The following CENPP variants were observed in gnomAD, a reference collection of about 807,000 sequenced individuals.
CENPP encodes the protein centromere protein P.
Under a neutral mutation model 35.6 loss-of-function variants are expected in CENPP, and 24 were observed. The observed-to-expected ratio is 0.67, with a 90% CI of 0.49 to 0.95. CENPP has a LOEUF of 0.95. CENPP is among the 40% of genes least tolerant of loss of function. The pLI, the probability that CENPP is intolerant of heterozygous loss-of-function variation, is 0.00. For synonymous variants in CENPP, 120 were observed against 125.5 expected, an observed-to-expected ratio of 0.96 and a Z score of 0.29; for missense variants, 332 against 345.3, an observed-to-expected ratio of 0.96 and a Z score of 0.31.
At chr9:92,332,398 T>C (rs765382477) in intron 2 of CENPP, 47 bp downstream of exon 2, 2 of 1,256,448 alleles carry the variant, frequency 1.6e-6, no homozygotes, top group South Asian at 3.3e-5. Context: ...GCTTACCTTA[T>C]TATGCATAAG....
intron 5 of CENPP, among the ~76,000 whole-genome samples, chr9:92,436,210 T>C (rs970756667): frequency 2.6e-5 from 4 of 152,246 alleles, no homozygotes; most frequent in African/African-American, 9.6e-5. Flanking sequence ...GTATTCTTTT[T>C]AGTGAAATGT....
intron 5 of CENPP, among the ~76,000 whole-genome samples, chr9:92,425,925 G>A (rs989833923): frequency 5.3e-5 from 8 of 152,330 alleles, no homozygotes; most frequent in Middle Eastern, 3.4e-3. Context: ...CCTTTTGGAA[G>A]ATTAACTGAA....
intron 5 of CENPP, among the ~76,000 whole-genome samples, chr9:92,513,706 T>C (rs1847505231): frequency 6.6e-6 from 1 of 152,212 alleles, no homozygotes; most frequent in African/African-American, 2.4e-5. Flanking sequence ...ATTCCACTTA[T>C]GTGACACTCT....
chr9:92,415,175 G>A, intron 5 of CENPP: 1 of 1,607,276 alleles, frequency 6.2e-7, no homozygotes, highest in African/African-American at 1.3e-5. Context: ...TCATAATAAT[G>A]AAGGTCAAAG....
chr9:92,469,137 G>A (rs1304636145), intron 5 of CENPP, among the ~76,000 whole-genome samples: 1 of 152,190 alleles, frequency 6.6e-6, no homozygotes, highest in African/African-American at 2.4e-5. Flanking sequence ...CCTAAAGTTA[G>A]TGGGGTGGAC....
At chr9:92,585,770 A>T (rs1400594797) in intron 5 of CENPP, among the ~76,000 whole-genome samples, 3 of 152,198 alleles carry the variant, frequency 2.0e-5, no homozygotes, top group Non-Finnish European at 2.9e-5. Flanking sequence ...AAGGCCTATG[A>T]ATTCCAGTGA....
At chr9:92,420,295 T>G (rs538663262) in intron 5 of CENPP, among the ~76,000 whole-genome samples, 1 of 152,328 alleles carries the variant, frequency 6.6e-6, no homozygotes, top group East Asian at 1.9e-4. Flanking sequence ...CTCCCAACAT[T>G]GTCAGTTCCT....
chr9:92,611,199 G>C (rs898392012), intron 5 of CENPP, 115 bp from the exon 6 acceptor site: 1 of 807,826 alleles, frequency 1.2e-6, no homozygotes, highest in South Asian at 1.5e-5. Context: ...TGGATGCTGC[G>C]CAAACACTCG....
chr9:92,535,737 C>G (rs1849130297), intron 5 of CENPP, among the ~76,000 whole-genome samples: 1 of 151,792 alleles, frequency 6.6e-6, no homozygotes, highest in South Asian at 2.1e-4. Context: ...TAATTTAATA[C>G]TAAGTATACA....
chr9:92,400,192 C>G (rs1441174735), intron 5 of CENPP, among the ~76,000 whole-genome samples: 4 of 152,122 alleles, frequency 2.6e-5, no homozygotes, highest in African/African-American at 9.7e-5. Context: ...GCTCTGCCGC[C>G]TAGGCTGGAG....
chr9:92,411,164 G>A (rs1843434776), intron 5 of CENPP, among the ~76,000 whole-genome samples: 1 of 152,040 alleles, frequency 6.6e-6, no homozygotes, highest in Non-Finnish European at 1.5e-5. Context: ...AGTAGAGACG[G>A]GGTTTCACTG....
rs192465546 is a variant in CENPP, at chr9:92,421,131, C to T, written c.564+41272C>T. Among the ~76,000 whole-genome samples, 3 of 152,288 alleles carry T rather than the reference C, an allele frequency of 2.0e-5. No homozygotes were observed. In the East Asian group the frequency reaches 5.8e-4, roughly 29 times the overall value. Reference sequence around the variant, plus strand: ...GCACTCTTGGCTCACCCTCCATCTCCTGGGCTCAAGTGACTCTCTTACTTC... The same window carrying T: ...GCACTCTTGGCTCACCCTCCATCTCTTGGGCTCAAGTGACTCTCTTACTTC... On this transcript the variant is annotated intron_variant, in intron 5 of 7. Transcript: ENST00000375587.
intron 5 of CENPP, among the ~76,000 whole-genome samples, chr9:92,499,045 A>G (rs927865): frequency 0.4 from 61,095 of 152,044 alleles, 14,296 homozygotes; most frequent in African/African-American, 0.64. Flanking sequence ...AAAGAGGCCA[A>G]GCTCTTTGGA....
At chr9:92,445,747 G>A (rs1044297017) in intron 5 of CENPP, among the ~76,000 whole-genome samples, 16 of 152,050 alleles carry the variant, frequency 1.1e-4, no homozygotes, top group African/African-American at 3.9e-4. Context: ...AGCTGGGCGT[G>A]TTGGTAGACA....
intron 4 of CENPP, among the ~76,000 whole-genome samples, chr9:92,354,973 C>G (rs1841552994): frequency 6.6e-6 from 1 of 152,130 alleles, no homozygotes; most frequent in African/African-American, 2.4e-5. Context: ...ACAAAGATCA[C>G]ATGCTTCCAA....
In CENPP at chr9:92,352,505, GTATACA is replaced by G. The variant is rs1376368570; in HGVS notation, c.467+6723_467+6728del. Among the ~76,000 whole-genome samples the G allele has an allele frequency of 1.2e-4, 6 of 49,766 alleles. 1 individual carries two copies. The highest frequency in any genetic ancestry group is 5.4e-4 in the African/African-American group (3 of 5,544). 32.6% of individuals were successfully genotyped at this position (49,766 alleles called of 152,430 possible). On this transcript the variant is annotated intron_variant, in intron 4 of 7. Transcript: ENST00000375587. Reference sequence around the variant, plus strand: ...TGTGTGTGTGTGTGTGTGTGTGTGTGTATACATATATATATATATATATATATATAT... The same window carrying G: ...TGTGTGTGTGTGTGTGTGTGTGTGTGTATATATATATATATATATATATAT...
intron 5 of CENPP, among the ~76,000 whole-genome samples, chr9:92,513,858 A>T (rs1018586340): frequency 6.6e-6 from 1 of 152,206 alleles, no homozygotes; most frequent in African/African-American, 2.4e-5. Flanking sequence ...GACTATGTGC[A>T]TTTGTCAAAA....
intron 5 of CENPP, chr9:92,514,810 G>A (rs369927306): frequency 7.2e-5 from 116 of 1,613,152 alleles, no homozygotes; most frequent in Non-Finnish European, 9.2e-5. Flanking sequence ...TCCTCTTACC[G>A]GGTCCTCCTC....
chr9:92,382,011 T>C (rs1014048773), intron 5 of CENPP, among the ~76,000 whole-genome samples: 1 of 152,080 alleles, frequency 6.6e-6, no homozygotes, highest in African/African-American at 2.4e-5. Flanking sequence ...TTTTATATGC[T>C]GGTTGGCCAT....
Sources: allele counts gnomAD v4.1 joint callset (sites outside exome capture counted in the v4.1 genomes callset), GRCh38; gene constraint gnomAD v4.1.1; transcripts MANE v1.5; gene names NCBI Gene and HGNC (gene_info 2026-07-23, HGNC 2026-07-21).